PLAGL1: variants seen among roughly 807,000 people sequenced by gnomAD.
PLAGL1 encodes zinc finger protein PLAGL1.
In PLAGL1, 1 loss-of-function variant was observed where a neutral mutation model predicts 4.6. The ratio of observed to expected loss-of-function variants is 0.22; its 90% confidence interval spans 0.08 to 1.03. The LOEUF (loss-of-function observed/expected upper bound fraction) is 1.03, where lower values mean the gene tolerates loss of function less well. PLAGL1 is among the 50% of genes least tolerant of loss of function. The pLI, the probability that PLAGL1 is intolerant of heterozygous loss-of-function variation, is 0.58. For synonymous variants in PLAGL1, 240 were observed against 237.8 expected, an observed-to-expected ratio of 1.01 and a Z score of -0.08; for missense variants, 464 against 570.4, an observed-to-expected ratio of 0.81 and a Z score of 1.90.
At chr6:144,019,827 A>G (rs1795844622) in intron 1 of PLAGL1, among the ~76,000 whole-genome samples, 1 of 151,462 alleles carries the variant, frequency 6.6e-6, no homozygotes, top group South Asian at 2.1e-4. Flanking sequence ...GCTCAGATTC[A>G]GCCATCTGAT....
chr6:144,047,148 CT>C (rs1373672275), intron 1 of PLAGL1, among the ~76,000 whole-genome samples: 1 of 152,224 alleles, frequency 6.6e-6, no homozygotes, highest in Non-Finnish European at 1.5e-5. Flanking sequence ...ACCCCTTGCA[CT>C]TCCCGGGTGA....
intron 1 of PLAGL1, among the ~76,000 whole-genome samples, chr6:144,040,808 GGTTGCATGCAGTGAGCTGA>G (rs1361349325): frequency 6.6e-6 from 1 of 152,186 alleles, no homozygotes; most frequent in African/African-American, 2.4e-5. Context: ...GGGAGGTGGA[GGTTGCATGCAGTGAGCTGA>G]GATCAGACCA....
chr6:144,014,636 G>A (rs1341593530), intron 1 of PLAGL1, among the ~76,000 whole-genome samples: 2 of 152,010 alleles, frequency 1.3e-5, no homozygotes, highest in Non-Finnish European at 2.9e-5. Flanking sequence ...CTGGAGTACC[G>A]TGACATGATC....
chr6:143,978,252 CA>C lies in PLAGL1; in HGVS notation c.-544+6882del, dbSNP rs1168350159. ...AATTTGTTTCTCTTTTTCTAGTTTC[CA>C]AAGGTGGAAACTGAGGTTATTGATT... On this transcript the variant is annotated intron_variant, in intron 2 of 7. Coordinates refer to ENST00000674357, the MANE Select transcript of PLAGL1 (RefSeq NM_001317162.2). The surrounding 1 kb of genome is among the most constrained non-coding windows in gnomAD (Gnocchi z 4.6). 6.6e-6 allele frequency among the ~76,000 whole-genome samples: 1 copy of C among 152,004 alleles called. No individual in the cohort carries two copies. Among genetic ancestry groups the C allele is most frequent in the Non-Finnish European group, 1.5e-5 (1 of 68,002 alleles).
rs144672496 is a variant in PLAGL1 at position 143,953,702 on chromosome 6, G to C, written c.-324-5242C>G. On this transcript the variant is annotated intron_variant, in intron 6 of 7. Coordinates refer to ENST00000674357, the MANE Select transcript of PLAGL1 (RefSeq NM_001317162.2). This position sits in a 1 kb window ranked among gnomAD's most constrained non-coding sequence, Gnocchi z 5.3. ...AGGGAGAAAACAACAAATTTTGGAA[G>C]CTGAAAAGCAGGTAAACAAGCAGTG... 2.0e-5 allele frequency among the ~76,000 whole-genome samples: 3 copies of C among 152,308 alleles called. No individual in the cohort carries two copies. The highest frequency in any genetic ancestry group is 7.2e-5 in the African/African-American group (3 of 41,570).
In PLAGL1 at chr6:144,061,719, G is replaced by A. The variant is rs909926307; in HGVS notation, c.-151+2749C>T. Among the ~76,000 whole-genome samples the A allele has an allele frequency of 6.6e-6, 1 of 152,130 alleles. No individual in the cohort carries two copies. Among genetic ancestry groups the A allele is most frequent in the Non-Finnish European group, 1.5e-5 (1 of 68,016 alleles). On this transcript the variant is annotated intron_variant, in intron 1 of 3. Coordinates refer to the PLAGL1 transcript ENST00000437412. The surrounding 1 kb of genome is among the most constrained non-coding windows in gnomAD (Gnocchi z 4.4). ...GAGGAAGAAGTTGGCAGCCAGATTT[G>A]ATTCACTTATTCCTTTTCTACTCCC...
rs78198773 is a variant in PLAGL1 at position 143,971,356 on chromosome 6, A to G, written c.-543-2378T>C. Among the ~76,000 whole-genome samples the G allele has an allele frequency of 0.036, 5,480 of 152,310 alleles. 114 individuals carry two copies. The highest frequency in any genetic ancestry group is 0.058 in the Middle Eastern group (17 of 294). On this transcript the variant is annotated intron_variant, in intron 2 of 7. Transcript: ENST00000674357. This position sits in a 1 kb window ranked among gnomAD's most constrained non-coding sequence, Gnocchi z 4.7. ...GTGCAAATAAGTTTCCTTAAAAATA[A>G]TCTTGGTAGTGAACATAAAACAAAA...
In PLAGL1 at chr6:143,942,421, G is replaced by C. The variant is rs766922660; in HGVS notation, c.395C>G (p.Thr132Ser). ...CGVCALELGS[T>S]EVLLDHLKAH... ...TTTGAGGTGGTCCAGTAGCACCTCG[G>C]TGCTCCCTAGCTCCAGGGCACAGAC... is the stretch of plus-strand genomic sequence containing the variant. The change falls in exon 8 of 8, where the codon ACC (threonine) becomes AGC (serine). Residue 132 changes from threonine to serine, a missense_variant. Around this residue, in one of 4 missense-constraint regions of PLAGL1, gnomAD observed 161 missense variants for 196.7 expected, o/e 0.82. Transcript: ENST00000674357. The surrounding 1 kb of genome is among the most constrained non-coding windows in gnomAD (Gnocchi z 7.6). The C allele has an allele frequency of 3.1e-6, 5 of 1,614,028 alleles. No individual in the cohort carries two copies. In the South Asian group the frequency reaches 5.5e-5, roughly 18 times the overall value.
chr6:144,033,058 A>C (rs189187514), intron 1 of PLAGL1, among the ~76,000 whole-genome samples: 1 of 152,370 alleles, frequency 6.6e-6, no homozygotes, highest in African/African-American at 2.4e-5. Flanking sequence ...AGTAGAGCCC[A>C]AGTTTCTAGA....
rs371236738 is a variant in PLAGL1 at position 143,975,463 on chromosome 6, C to T, written c.-543-6485G>A. 6.6e-6 allele frequency among the ~76,000 whole-genome samples: 1 copy of T among 152,096 alleles called. No homozygotes were observed. Among genetic ancestry groups the T allele is most frequent in the African/African-American group, 2.4e-5 (1 of 41,404 alleles). ...GTTTGTGGAGGATCAAATTAGATAACTAATATAAAGCTCCTAAAACAGCAT... is the reference window on the plus strand; with the variant it reads ...GTTTGTGGAGGATCAAATTAGATAATTAATATAAAGCTCCTAAAACAGCAT... On this transcript the variant is annotated intron_variant, in intron 2 of 7. Transcript: ENST00000674357. The surrounding 1 kb of genome is among the most constrained non-coding windows in gnomAD (Gnocchi z 5.8).
rs1293537401 is a variant in PLAGL1, at chr6:143,973,265, A to G, written c.-543-4287T>C. On this transcript the variant is annotated intron_variant, in intron 2 of 7. Coordinates refer to ENST00000674357, the MANE Select transcript of PLAGL1 (RefSeq NM_001317162.2). The surrounding 1 kb of genome is among the most constrained non-coding windows in gnomAD (Gnocchi z 6.2). ...CAAAGGCCCACCTCTCTTTCCCTCC[A>G]TTGCTTTCATTAGGCCCAGCCCAGA... 6.6e-6 allele frequency among the ~76,000 whole-genome samples: 1 copy of G among 152,096 alleles called. No individual in the cohort carries two copies. The highest frequency in any genetic ancestry group is 1.9e-4 in the East Asian group (1 of 5,194).
At chr6:144,011,261 A>G (rs1240082724), upstream of PLAGL1, among the ~76,000 whole-genome samples, 1 of 152,258 alleles carries the variant, frequency 6.6e-6, no homozygotes, top group African/African-American at 2.4e-5. The surrounding 1 kb of genome is among the most constrained non-coding windows in gnomAD (Gnocchi z 4.3). Context: ...TTTATAAGAA[A>G]AAAACAACTC....
chr6:143,994,711 T>C lies in PLAGL1; in HGVS notation c.-583-9537A>G, dbSNP rs968372311. ...ATCCACTGTTACAGATTCAAATGTG[T>C]CCTCAAAATTCAAATGTTGAAAACC... is the stretch of plus-strand genomic sequence containing the variant. On this transcript the variant is annotated intron_variant, in intron 1 of 7. Coordinates refer to ENST00000674357, the MANE Select transcript of PLAGL1 (RefSeq NM_001317162.2). This position sits in a 1 kb window ranked among gnomAD's most constrained non-coding sequence, Gnocchi z 4.3. 6.6e-6 allele frequency among the ~76,000 whole-genome samples: 1 copy of C among 152,194 alleles called. No individual in the cohort carries two copies.
chr6:143,980,765 T>C (rs1277526939), intron 2 of PLAGL1, among the ~76,000 whole-genome samples: 1 of 152,228 alleles, frequency 6.6e-6, no homozygotes, highest in Non-Finnish European at 1.5e-5. Context: ...GACTGAATGC[T>C]ACATATTGCA....
chr6:144,032,769 C>A (rs1458015522), intron 1 of PLAGL1, among the ~76,000 whole-genome samples: 1 of 152,046 alleles, frequency 6.6e-6, no homozygotes, highest in African/African-American at 2.4e-5. Context: ...ACCATGTTGG[C>A]CAGGCTGGTC....
At chr6:144,012,544 TATTTTA>T (rs1231345616), upstream of PLAGL1, among the ~76,000 whole-genome samples, 1 of 152,176 alleles carries the variant, frequency 6.6e-6, no homozygotes, top group East Asian at 1.9e-4. The surrounding 1 kb of genome is among the most constrained non-coding windows in gnomAD (Gnocchi z 4.8). Context: ...GATGATTTAG[TATTTTA>T]ATTTTGATTT....
rs2128693592 is a variant in PLAGL1 at position 144,016,197 on chromosome 6, A to C, written c.-150-47219T>G. On this transcript the variant is annotated intron_variant, in intron 1 of 3. Transcript: ENST00000437412. The surrounding 1 kb of genome is among the most constrained non-coding windows in gnomAD (Gnocchi z 4.2). Reference sequence around the variant, plus strand: ...CAAGGTCCCACAATAGGCTGTCTGCAAGCTGAGGAGAAAGGAGAGCCAGTC... The same window carrying C: ...CAAGGTCCCACAATAGGCTGTCTGCCAGCTGAGGAGAAAGGAGAGCCAGTC... 6.6e-6 allele frequency among the ~76,000 whole-genome samples: 1 copy of C among 152,334 alleles called. No homozygotes were observed. Among genetic ancestry groups the C allele is most frequent in the Non-Finnish European group, 1.5e-5 (1 of 68,036 alleles).
rs1351594214 is a variant in PLAGL1 at position 143,948,087 on chromosome 6, T to G, written c.50A>C (p.Glu17Ala). The G allele has an allele frequency of 6.2e-7, 1 of 1,613,898 alleles. No homozygotes were observed. Among genetic ancestry groups the G allele is most frequent in the African/African-American group, 1.3e-5 (1 of 74,932 alleles). Residue 17 changes from glutamate (E) to alanine (A), a missense_variant, in exon 7 of 8, where the codon GAG becomes GCG. Transcript: ENST00000674357. This position sits in a 1 kb window ranked among gnomAD's most constrained non-coding sequence, Gnocchi z 6.0. ...QLCGKTFLTL[E>A]KFTIHNYSHS... Reference sequence around the variant, plus strand: ...GGAATAATTGTGAATCGTGAACTTCTCCAGGGTGAGGAACGTCTTGCCACA... The same window carrying G: ...GGAATAATTGTGAATCGTGAACTTCGCCAGGGTGAGGAACGTCTTGCCACA...
chr6:144,028,230 G>A (rs1251404830), intron 1 of PLAGL1, among the ~76,000 whole-genome samples: 2 of 152,082 alleles, frequency 1.3e-5, no homozygotes, highest in Non-Finnish European at 1.5e-5. Flanking sequence ...GTGTTCCAAA[G>A]TATATTAGTA....
Sources: gnomAD v4.1 joint callset for allele counts (sites outside exome capture counted in the v4.1 genomes callset) on GRCh38, gnomAD v4.1.1 for gene constraint, gnomAD v4.1.1 regional missense constraint, Gnocchi (gnomAD v3.1) non-coding constraint, MANE v1.5 for transcripts, NCBI Gene and HGNC (gene_info 2026-07-23, HGNC 2026-07-21) for gene names.